Variants in SI observed in about 807,000 individuals in gnomAD.
SI encodes the protein sucrase-isomaltase, intestinal.
In SI, 235 loss-of-function variants were observed where a neutral mutation model predicts 253.3. The observed-to-expected ratio is 0.93, with a 90% CI of 0.83 to 1.03. The LOEUF (loss-of-function observed/expected upper bound fraction) is 1.03. Ranked by LOEUF, SI falls within the 50% of genes least tolerant of loss-of-function variation. SI has a pLI of 0.00. For missense variants in SI, 2,442 were observed against 2,211.1 expected (o/e 1.10, Z -2.09); for synonymous variants, 819 against 712.0 (o/e 1.15, Z -2.39).
chr3:165,035,867 A>G lies in SI; in HGVS notation c.2515+522T>C, dbSNP rs188665745. Among the ~76,000 whole-genome samples, 443 of 151,808 alleles carry G rather than the reference A, an allele frequency of 2.9e-3. 3 individuals are homozygous for G. Among genetic ancestry groups the G allele is most frequent in the Non-Finnish European group, 4.8e-3 (323 of 67,760 alleles). Reference sequence around the variant, plus strand: ...CCATAGCAGAAGATTACTTTTAAACATTTTGTTTGGTATACTGAATTCCCA... The same window carrying G: ...CCATAGCAGAAGATTACTTTTAAACGTTTTGTTTGGTATACTGAATTCCCA... On this transcript the variant is annotated intron_variant, in intron 22 of 47. Transcript: ENST00000264382.
At position 164,998,487 on chromosome 3, in the gene SI, G is replaced by A. The variant is rs1457898050; in HGVS notation, c.4540+53C>T. 20 of 1,577,096 alleles carry A rather than the reference G, an allele frequency of 1.3e-5. No homozygotes were observed. The South Asian group carries it at 1.9e-4, about 15-fold the overall frequency. On this transcript the variant is annotated intron_variant, in intron 38 of 47. Transcript: ENST00000264382. ...GTTATGACCTAGCACCAGCAAAAGT[G>A]AGTATCTAATAGAAAACACAAAATA...
chr3:165,046,739 T>C (rs555199292), intron 16 of SI, 102 bp downstream of exon 16: 13 of 962,742 alleles, frequency 1.4e-5, no homozygotes, highest in African/African-American at 1.0e-4. Flanking sequence ...GAATTATTTC[T>C]GTAACATGCC....
chr3:165,038,210 T>C (rs1480600752), intron 20 of SI, among the ~76,000 whole-genome samples, 186 bp from the exon 21 acceptor site: 1 of 151,926 alleles, frequency 6.6e-6, no homozygotes. Flanking sequence ...GAAAAATAAG[T>C]TCACTTTCTC....
chr3:165,039,753 A>G (rs555256999), intron 19 of SI, 134 bp downstream of exon 19: 1 of 714,998 alleles, frequency 1.4e-6, no homozygotes, highest in East Asian at 2.6e-5. Flanking sequence ...GTCACATCGT[A>G]GAATTCCAAC....
upstream of SI, among the ~76,000 whole-genome samples, chr3:165,081,017 G>A (rs1337162774): frequency 6.6e-6 from 1 of 151,848 alleles, no homozygotes; most frequent in Non-Finnish European, 1.5e-5. Flanking sequence ...ACTGGCCTTT[G>A]TTTTAAGCAA....
chr3:164,996,791 ATATCT>A lies in SI; in HGVS notation c.4541-24_4541-20del, dbSNP rs2108135925. On this transcript the variant is annotated intron_variant, in intron 38 of 47. Transcript: ENST00000264382. ...ATCATACCTGAAAAAGTTAGAAAAAATATCTTAGAAAGTTATTATTTCATATATTT... is the reference window on the plus strand; with the variant it reads ...ATCATACCTGAAAAAGTTAGAAAAAATAGAAAGTTATTATTTCATATATTT... 1.0e-6 allele frequency: 1 copy of A among 963,202 alleles called. No individual in the cohort carries two copies. Among genetic ancestry groups the A allele is most frequent in the Admixed American group, 2.1e-5 (1 of 48,264 alleles). 59.7% of individuals were successfully genotyped at this position (963,202 alleles called of 1,614,324 possible).
chr3:164,993,177 T>C (rs1717853431), intron 41 of SI, among the ~76,000 whole-genome samples: 1 of 151,754 alleles, frequency 6.6e-6, no homozygotes, highest in African/African-American at 2.4e-5. Context: ...GTATAGTTAA[T>C]AATAATATTT....
the SI span, among the ~76,000 whole-genome samples, chr3:165,086,419 C>T: frequency 6.6e-6 from 1 of 152,162 alleles, no homozygotes; most frequent in African/African-American, 2.4e-5. Flanking sequence ...GAAAACACCA[C>T]ATCAAGACAT....
rs767960242 is a variant in SI at position 165,058,992 on chromosome 3, A to T, written c.1369T>A (p.Ser457Thr). Residue 457 changes from serine to threonine, a missense_variant, in exon 12 of 48, where the codon TCA becomes ACA. Physicochemically the swap from Ser to Thr is moderately conservative, Grantham distance 58 (BLOSUM62 1). Transcript: ENST00000264382. ...CCAATAATTGGTGTACTTCCATCTG[A>T]CTCATTTATCCACACATGTTGTGTG... The part of the protein sequence containing the change: ...GNTQHVWINE[S>T]DGSTPIIGEV... 4.3e-6 allele frequency: 7 copies of T among 1,611,398 alleles called. No homozygotes were observed. In the South Asian group the frequency reaches 7.7e-5, roughly 18 times the overall value.
chr3:165,039,787 G>T, intron 19 of SI, 100 bp downstream of exon 19: 1 of 850,180 alleles, frequency 1.2e-6, no homozygotes, highest in South Asian at 1.3e-5. Context: ...GCTTGAAACA[G>T]TCCACTGAGT....
At chr3:165,075,407 A>G (rs2108116421) in intron 2 of SI, among the ~76,000 whole-genome samples, 1 of 152,084 alleles carries the variant, frequency 6.6e-6, no homozygotes, top group Middle Eastern at 3.4e-3. Flanking sequence ...ATTCAGAAAC[A>G]GATAATTAAA....
chr3:165,041,852 C>T (rs1712851499), intron 17 of SI, among the ~76,000 whole-genome samples: 1 of 152,060 alleles, frequency 6.6e-6, no homozygotes, highest in African/African-American at 2.4e-5. Context: ...CAGTGCTGCT[C>T]CCAGCCTTGA....
chr3:165,026,149 A>G (rs563871930), intron 25 of SI, among the ~76,000 whole-genome samples: 1 of 151,464 alleles, frequency 6.6e-6, no homozygotes, highest in African/African-American at 2.4e-5. Flanking sequence ...AAAACATTCC[A>G]TGCAAATGAA....
At chr3:165,053,695 T>C (rs868595627) in intron 13 of SI, among the ~76,000 whole-genome samples, 1 of 152,288 alleles carries the variant, frequency 6.6e-6, no homozygotes, top group Middle Eastern at 3.4e-3. Context: ...TCTCAATGAA[T>C]GCAAGAAATG....
At chr3:165,023,488 C>T (rs1711736243) in intron 26 of SI, 82 bp downstream of exon 26, 2 of 960,386 alleles carry the variant, frequency 2.1e-6, no homozygotes, top group Non-Finnish European at 3.3e-6. Flanking sequence ...TTTAATATTA[C>T]ATTAAATATC....
chr3:165,036,873 AT>A (rs570634929), intron 21 of SI, among the ~76,000 whole-genome samples: 7 of 151,910 alleles, frequency 4.6e-5, no homozygotes, highest in Admixed American at 2.0e-4. Context: ...AGAAAAAAAA[AT>A]ATGATTAAAA....
rs756384298 is a variant in SI at position 164,992,410 on chromosome 3, A to G, written c.4842-13T>C. The G allele has an allele frequency of 2.6e-6, 4 of 1,531,938 alleles. No homozygotes were observed. Among genetic ancestry groups the G allele is most frequent in the East Asian group, 4.5e-5 (2 of 44,300 alleles). 94.9% of individuals were successfully genotyped at this position (1,531,938 alleles called of 1,614,324 possible). On this transcript the variant is annotated splice_polypyrimidine_tract_variant and intron_variant, in intron 41 of 47. Transcript: ENST00000264382. Reference sequence around the variant, plus strand: ...TTCATCAAAGAACCTCGACAAAATTATCACAAATAATTAAATTAAAACAAA... The same window carrying G: ...TTCATCAAAGAACCTCGACAAAATTGTCACAAATAATTAAATTAAAACAAA...
intron 6 of SI, among the ~76,000 whole-genome samples, chr3:165,067,060 G>C (rs1714282274): frequency 1.3e-5 from 2 of 151,912 alleles, no homozygotes. Context: ...AGACACAAGA[G>C]CTATTCTAGG....
chr3:165,074,449 A>T, intron 3 of SI, 82 bp downstream of exon 3: 1 of 838,844 alleles, frequency 1.2e-6, no homozygotes, highest in Non-Finnish European at 1.7e-6. Context: ...TTTATTAAAT[A>T]AGATCGATCC....
Sources: gnomAD v4.1 joint callset for allele counts (sites outside exome capture counted in the v4.1 genomes callset) on GRCh38, gnomAD v4.1.1 for gene constraint, MANE v1.5 for transcripts, NCBI Gene and HGNC (gene_info 2026-07-23, HGNC 2026-07-21) for gene names.